The following URB1 variants were observed in gnomAD, a reference collection of about 807,000 sequenced individuals.
URB1 encodes the protein nucleolar pre-ribosomal-associated protein 1.
URB1 carries 197 observed loss-of-function variants against 242.3 expected under a neutral mutation model. The observed-to-expected ratio is 0.81, with a 90% CI of 0.72 to 0.91. The LOEUF is 0.91. URB1 is among the 40% of genes least tolerant of loss of function. The pLI is 0.00. For missense variants in URB1, 2,721 were observed against 2,860.5 expected, an observed-to-expected ratio of 0.95 and a Z score of 1.11; for synonymous variants, 1,153 against 1,201.8, an observed-to-expected ratio of 0.96 and a Z score of 0.84.
chr21:32,370,592 A>G (rs574711380), intron 8 of URB1, among the ~76,000 whole-genome samples: 70 of 152,308 alleles, frequency 4.6e-4, no homozygotes, highest in African/African-American at 1.6e-3. Flanking sequence ...TTCCCACTTT[A>G]TAGACAAGAT....
rs767513333 is a variant in URB1 at position 32,368,567 on chromosome 21, G to C, written c.1033C>G (p.Leu345Val). 1.4e-5 allele frequency: 22 copies of C among 1,551,398 alleles called. No homozygotes were observed. Among genetic ancestry groups the C allele is most frequent in the Non-Finnish European group, 1.8e-5 (21 of 1,146,848 alleles). The change falls in exon 9 of 39, where the codon CTG (leucine) becomes GTG (valine). Residue 345 changes from leucine to valine, a missense_variant. Transcript: ENST00000382751. The stretch of plus-strand genomic sequence containing the variant: ...TCATCAGCTGCAGTTTTCAAACCCA[G>C]CAAGAAGTGCAAGAGTGTCAGGTTT... Reference protein sequence around the residue: ...GGNLTLLHFLLGLKTAADDDL... With the variant: ...GGNLTLLHFLVGLKTAADDDL...
intron 23 of URB1, 129 bp from the exon 24 acceptor site, chr21:32,344,885 A>G (rs2033068425): frequency 9.0e-7 from 1 of 1,114,160 alleles, no homozygotes; most frequent in East Asian, 2.6e-5. Context: ...ACCCACTCAC[A>G]GGAATCACAG....
In URB1 at chr21:32,361,958, G is replaced by A; in HGVS notation, c.1573C>T (p.Gln525Ter). 6.4e-7 allele frequency: 1 copy of A among 1,551,560 alleles called. No individual in the cohort carries two copies. The highest frequency in any genetic ancestry group is 8.7e-7 in the Non-Finnish European group (1 of 1,146,888). ...CTTTTCTGCCCTTTCTTGTCATCCT[G>A]TTTGGTCTCTTGCTTTTTAAGTGAC... ...WQSLKKQETK[Q>*]DDKKGQKRSD... is the part of the protein sequence containing the mutation. Residue 525 changes from glutamine (Q) to a stop codon, truncating the protein, a stop_gained, in exon 12 of 39, where the codon CAG becomes TAG. Transcript: ENST00000382751. LOFTEE classifies it high-confidence loss of function.
chr21:32,321,875 G>A lies in URB1; in HGVS notation c.5410C>T (p.Leu1804=). ...TGGAAGATGCCACGCCGGGCACACA[G>A]TTCGTAGCACTGCTTGTCACGGATC... is the stretch of plus-strand genomic sequence containing the variant. ...QGIRDKQCYE[L]CARRGIFHII... Residue 1804 remains leucine, a synonymous_variant, in exon 34 of 39, where the codon CTG becomes TTG. Transcript: ENST00000382751. 6.4e-7 allele frequency: 1 copy of A among 1,551,750 alleles called. No individual in the cohort carries two copies. Among genetic ancestry groups the A allele is most frequent in the Non-Finnish European group, 8.7e-7 (1 of 1,147,010 alleles).
At position 32,361,953 on chromosome 21, in the gene URB1, A is replaced by T; in HGVS notation, c.1578T>A (p.Asp526Glu). 6.4e-7 allele frequency: 1 copy of T among 1,551,498 alleles called. No individual in the cohort carries two copies. The highest frequency in any genetic ancestry group is 8.7e-7 in the Non-Finnish European group (1 of 1,146,862). Residue 526 changes from aspartate (D) to glutamate (E), a missense_variant, in exon 12 of 39, where the codon GAT becomes GAA. Physicochemically the swap from Asp to Glu is conservative, Grantham distance 45. Transcript: ENST00000382751. The part of the protein sequence containing the change: ...QSLKKQETKQ[D>E]DKKGQKRSDG... The stretch of plus-strand genomic sequence containing the variant: ...CGCTCCTTTTCTGCCCTTTCTTGTC[A>T]TCCTGTTTGGTCTCTTGCTTTTTAA...
At position 32,341,503 on chromosome 21, in the gene URB1, G is replaced by T. The variant is rs940948145; in HGVS notation, c.4279C>A (p.Pro1427Thr). 8.4e-6 allele frequency: 13 copies of T among 1,551,298 alleles called. No homozygotes were observed. The highest frequency in any genetic ancestry group is 1.1e-5 in the Non-Finnish European group (13 of 1,146,956). ...TTCACGAATTTCTGCCAGTCACCAG[G>T]ATCAACTTCATTAAGTGCATGCTAT... ...ALLHALNEVDPGDWQKFVKKG... is the reference protein window; with the variant it reads ...ALLHALNEVDTGDWQKFVKKG... Residue 1427 changes from proline (P) to threonine (T), a missense_variant, in exon 25 of 39, where the codon CCT becomes ACT. Pro to Thr is a conservative substitution (Grantham distance 38, BLOSUM62 -1). Coordinates refer to ENST00000382751, the MANE Select transcript of URB1 (RefSeq NM_014825.3).
chr21:32,329,364 C>T (rs893715481), intron 30 of URB1, among the ~76,000 whole-genome samples: 8 of 152,160 alleles, frequency 5.3e-5, no homozygotes, highest in Non-Finnish European at 1.2e-4. Context: ...TACATAATAT[C>T]CCCCAGAGGC....
At chr21:32,328,547 A>G (rs1448711089) in intron 30 of URB1, among the ~76,000 whole-genome samples, 1 of 152,252 alleles carries the variant, frequency 6.6e-6, no homozygotes, top group Non-Finnish European at 1.5e-5. Context: ...CAAAAGATGG[A>G]AGAAATGTGT....
At chr21:32,376,072 T>C (rs1211270317) in intron 5 of URB1, among the ~76,000 whole-genome samples, 2 of 152,230 alleles carry the variant, frequency 1.3e-5, no homozygotes, top group Non-Finnish European at 2.9e-5. Flanking sequence ...AGTTCCATTT[T>C]ACTTTTCTTT....
Position 32,347,586 on chromosome 21 carries a change from T to A in URB1, c.3238A>T (p.Thr1080Ser). 1 of 1,551,536 alleles carries A rather than the reference T, an allele frequency of 6.4e-7. No homozygotes were observed. Among genetic ancestry groups the A allele is most frequent in the Non-Finnish European group, 8.7e-7 (1 of 1,146,924 alleles). ...GLLARYSEAI[T>S]QSVLKELQNR... ...TGAAGTTCCTTCAGCACACTCTGGG[T>A]GATGGCCTCTGAGTACCTGGCCAGA... Residue 1080 changes from threonine (T) to serine (S), a missense_variant, in exon 22 of 39, where the codon ACC (threonine) becomes TCC (serine). Thr to Ser is a moderately conservative substitution (Grantham distance 58, BLOSUM62 1). Transcript: ENST00000382751.
intron 16 of URB1, 61 bp downstream of exon 16, chr21:32,355,388 G>A (rs779218150): frequency 2.3e-4 from 342 of 1,465,752 alleles, no homozygotes; most frequent in Non-Finnish European, 3.0e-4. Context: ...CCTCGATGAC[G>A]CTAAGAAGTT....
At chr21:32,328,502 A>T (rs2032856425) in intron 30 of URB1, among the ~76,000 whole-genome samples, 2 of 152,244 alleles carry the variant, frequency 1.3e-5, no homozygotes, top group Admixed American at 1.3e-4. Context: ...CAAAAGCTTT[A>T]AAAGCACCAA....
intron 36 of URB1, among the ~76,000 whole-genome samples, chr21:32,318,546 G>A (rs904522519): frequency 6.6e-6 from 1 of 152,188 alleles, no homozygotes; most frequent in African/African-American, 2.4e-5. Flanking sequence ...CAAAACAAAA[G>A]GCCTTGTTCT....
chr21:32,379,077 C>T (rs151162335), intron 4 of URB1, among the ~76,000 whole-genome samples: 1 of 152,332 alleles, frequency 6.6e-6, no homozygotes, highest in East Asian at 1.9e-4. Flanking sequence ...CGTTACTAAC[C>T]CTGTTAGGCC....
chr21:32,341,637 T>G (rs1030439072), intron 24 of URB1, 113 bp from the exon 25 acceptor site: 52 of 912,238 alleles, frequency 5.7e-5, no homozygotes, highest in Admixed American at 5.5e-4. Flanking sequence ...CCTGACTACC[T>G]CCTCTGTAAA....
chr21:32,347,829 G>A lies in URB1; in HGVS notation c.3013-18C>T. On this transcript the variant is annotated intron_variant, in intron 21 of 38. Transcript: ENST00000382751. ...TCCAGCGTCTGAAAGGCAGTGACGAGGCACAGACGTCACATAGAGCACAGG... is the reference window on the plus strand; with the variant it reads ...TCCAGCGTCTGAAAGGCAGTGACGAAGCACAGACGTCACATAGAGCACAGG... The A allele has an allele frequency of 6.5e-7, 1 of 1,530,012 alleles. No homozygotes were observed. The highest frequency in any genetic ancestry group is 8.8e-7 in the Non-Finnish European group (1 of 1,140,860). 94.8% of individuals were successfully genotyped at this position (1,530,012 alleles called of 1,614,324 possible).
Position 32,392,788 on chromosome 21 carries a change from G to T in URB1, c.123C>A (p.Asp41Glu), listed in dbSNP as rs1460284258. Reference sequence around the variant, plus strand: ...ACTCACCTGGCCCGGGGCCCTGCGGGTCCTTCAGCTGAGCCTTGAACCGCA... The same window carrying T: ...ACTCACCTGGCCCGGGGCCCTGCGGTTCCTTCAGCTGAGCCTTGAACCGCA... ...TGVRFKAQLKDPQGPGPGLEA... is the reference protein window; with the variant it reads ...TGVRFKAQLKEPQGPGPGLEA... Residue 41 changes from aspartate to glutamate, a missense_variant, in exon 1 of 39, where the codon GAC (aspartate) becomes GAA (glutamate). Asp to Glu is a conservative substitution (Grantham distance 45). Transcript: ENST00000382751. The T allele has an allele frequency of 2.0e-6, 3 of 1,493,592 alleles. No individual in the cohort carries two copies. Among genetic ancestry groups the T allele is most frequent in the South Asian group, 1.3e-5 (1 of 79,954 alleles). The allele number at this position is 1,493,592 out of a possible 1,614,324, so 92.5% of individuals were successfully genotyped here.
In URB1 at chr21:32,392,774, C is replaced by G; in HGVS notation, c.137G>C (p.Gly46Ala). ...KAQLKDPQGP[G>A]PGLEAFVSAA... is the part of the protein sequence containing the mutation. ...GCCTGCCGCCCCGGACTCACCTGGC[C>G]CGGGGCCCTGCGGGTCCTTCAGCTG... Residue 46 changes from glycine to alanine, a missense_variant, in exon 1 of 39, where the codon GGG (glycine) becomes GCG (alanine). By Grantham distance (60) the Gly-to-Ala change is moderately conservative. Coordinates refer to ENST00000382751, the MANE Select transcript of URB1 (RefSeq NM_014825.3). 4.7e-6 allele frequency: 7 copies of G among 1,480,500 alleles called. No individual in the cohort carries two copies. The highest frequency in any genetic ancestry group is 5.4e-6 in the Non-Finnish European group (6 of 1,114,652). 91.7% of individuals were successfully genotyped at this position (1,480,500 alleles called of 1,614,324 possible).
At position 32,353,928 on chromosome 21, in the gene URB1, G is replaced by C; in HGVS notation, c.2416+5C>G. 6.4e-7 allele frequency: 1 copy of C among 1,551,510 alleles called. No homozygotes were observed. The highest frequency in any genetic ancestry group is 2.4e-5 in the East Asian group (1 of 40,908). Reference sequence around the variant, plus strand: ...AGCCAAGACATCCTGACTATACATAGGTACCTGCTTCATTGCCTGTCCCAA... The same window carrying C: ...AGCCAAGACATCCTGACTATACATACGTACCTGCTTCATTGCCTGTCCCAA... On this transcript the variant is annotated splice_donor_5th_base_variant and intron_variant, in intron 18 of 38. Transcript: ENST00000382751.
Sources: gnomAD v4.1 joint callset for allele counts (sites outside exome capture counted in the v4.1 genomes callset) on GRCh38, gnomAD v4.1.1 for gene constraint, MANE v1.5 for transcripts, NCBI Gene and HGNC (gene_info 2026-07-23, HGNC 2026-07-21) for gene names.